PPEF1: variants seen among roughly 807,000 people sequenced by gnomAD.
The protein encoded by PPEF1 is serine/threonine-protein phosphatase with EF-hands 1.
Under a neutral mutation model 53.3 loss-of-function variants are expected in PPEF1, and 12 were observed. The ratio of observed to expected loss-of-function variants is 0.23; its 90% CI spans 0.14 to 0.36. The LOEUF (loss-of-function observed/expected upper bound fraction) is 0.36. Among genes scored for constraint, PPEF1 ranks in the 10% least tolerant of loss-of-function variants. The pLI is 1.00. For synonymous variants in PPEF1, 165 were observed against 176.7 expected, an observed-to-expected ratio of 0.93 and a Z score of 0.52; for missense variants, 334 against 490.4, an observed-to-expected ratio of 0.68 and a Z score of 3.01.
chrX:18,677,655 G>A (rs1320530240), intron 1 of PPEF1, among the ~76,000 whole-genome samples: 5 of 111,298 alleles, frequency 4.5e-5, no homozygotes, highest in African/African-American at 9.8e-5. Flanking sequence ...TTCCTATTGC[G>A]GTGAAAAAAT....
At chrX:18,712,718 C>T (rs557550714) in intron 1 of PPEF1, among the ~76,000 whole-genome samples, 1 of 112,123 alleles carries the variant, frequency 8.9e-6, no homozygotes, top group Middle Eastern at 4.6e-3. Flanking sequence ...TTCAGTGTTT[C>T]ACCAGTAAGT....
intron 4 of PPEF1, chrX:18,691,117 A>G (rs1166879726): frequency 8.9e-6 from 1 of 112,114 alleles, no homozygotes; most frequent in African/African-American, 3.2e-5. Flanking sequence ...CACTTAGTGG[A>G]CCAGGTGAAT....
At chrX:18,691,690 C>T (rs777911975) in intron 4 of PPEF1, 2 of 111,910 alleles carry the variant, frequency 1.8e-5, no homozygotes, top group Admixed American at 9.5e-5. Flanking sequence ...ACATGTAAAA[C>T]GTAAGCACAT....
intron 1 of PPEF1, among the ~76,000 whole-genome samples, chrX:18,723,854 A>G (rs1458991513): frequency 9.2e-6 from 1 of 108,908 alleles, no homozygotes; most frequent in Non-Finnish European, 1.9e-5. Flanking sequence ...ATCTTGGCTC[A>G]CTGCAACCTC....
intron 5 of PPEF1, among the ~76,000 whole-genome samples, chrX:18,760,129 G>A: frequency 9.0e-6 from 1 of 111,084 alleles, no homozygotes; most frequent in Non-Finnish European, 1.9e-5. Flanking sequence ...TGGGATTACA[G>A]GTGCACGCCA....
At chrX:18,782,615 G>T (rs1216228455) in intron 8 of PPEF1, among the ~76,000 whole-genome samples, 4 of 111,421 alleles carry the variant, frequency 3.6e-5, no homozygotes, top group Non-Finnish European at 7.5e-5. Context: ...CTTTTTCATT[G>T]TGAGTTTTGT....
intron 1 of PPEF1, among the ~76,000 whole-genome samples, chrX:18,712,500 T>C (rs2044351825): frequency 8.9e-6 from 1 of 112,467 alleles, no homozygotes; most frequent in Admixed American, 9.5e-5. Flanking sequence ...TGGTCTTATA[T>C]CCCAAAACTT....
intron 6 of PPEF1, among the ~76,000 whole-genome samples, chrX:18,773,769 CCT>C (rs1028418392): frequency 2.7e-5 from 3 of 109,728 alleles, no homozygotes; most frequent in African/African-American, 6.6e-5. Flanking sequence ...CCACTGCAGT[CCT>C]CTCTCTCTCT....
chrX:18,795,696 G>C (rs1253895980), intron 10 of PPEF1, among the ~76,000 whole-genome samples: 1 of 111,750 alleles, frequency 8.9e-6, no homozygotes, highest in African/African-American at 3.3e-5. Context: ...ATATGGCAGG[G>C]ATGAGTTCTT....
chrX:18,713,677 T>C (rs2044379015), intron 1 of PPEF1, among the ~76,000 whole-genome samples: 1 of 111,287 alleles, frequency 9.0e-6, no homozygotes, highest in Non-Finnish European at 1.9e-5. Context: ...GGAAAAAATA[T>C]AGAAAAGCAG....
chrX:18,706,325 T>A (rs972410330), upstream of PPEF1, among the ~76,000 whole-genome samples: 1 of 108,815 alleles, frequency 9.2e-6, no homozygotes, highest in Non-Finnish European at 1.9e-5. Context: ...CAGTATACTA[T>A]GGAAAGGAAT....
chrX:18,737,663 G>A lies in PPEF1; in HGVS notation c.235+3855G>A, dbSNP rs755180611. Among the ~76,000 whole-genome samples the A allele has an allele frequency of 5.4e-5, 6 of 111,304 alleles. No individual in the cohort carries two copies. In the East Asian group the frequency reaches 1.4e-3, roughly 26 times the overall value. The stretch of plus-strand genomic sequence containing the variant: ...TCTGCTTGGTGCAGAGCTGAGTTCA[G>A]TTCCTGGGTATCCTTGTTAACTTTC... On this transcript the variant is annotated intron_variant, in intron 3 of 15. Coordinates refer to ENST00000470157, the MANE Select transcript of PPEF1 (RefSeq NM_001377996.1).
chrX:18,825,777 G>A lies in PPEF1; in HGVS notation c.1692G>A (p.Leu564=). 1 of 1,202,474 alleles carries A rather than the reference G, an allele frequency of 8.3e-7. No homozygotes were observed. Among genetic ancestry groups the A allele is most frequent in the Non-Finnish European group, 1.1e-6 (1 of 890,357 alleles). Residue 564 remains leucine (L), a synonymous_variant, in exon 15 of 16, where the codon CTG becomes CTA. Coordinates refer to ENST00000470157, the MANE Select transcript of PPEF1 (RefSeq NM_001377996.1). The part of the protein sequence containing the change: ...QEAHSTLVET[L]YRYRSDLEII... ...CTCATTCTACTCTAGTTGAAACTCT[G>A]TACAGATACAGATCTGACCTGGAAA...
intron 1 of PPEF1, among the ~76,000 whole-genome samples, chrX:18,714,229 C>T (rs2044391017): frequency 9.2e-6 from 1 of 109,067 alleles, no homozygotes; most frequent in Non-Finnish European, 1.9e-5. Flanking sequence ...ATAGTGGAAG[C>T]AGCTCATGCT....
chrX:18,742,780 C>T (rs1602404217), intron 3 of PPEF1, among the ~76,000 whole-genome samples: 1 of 109,083 alleles, frequency 9.2e-6, no homozygotes, highest in South Asian at 4.0e-4. Context: ...ACCTGGGAGG[C>T]GGAGGTTGCA....
intron 1 of PPEF1, among the ~76,000 whole-genome samples, chrX:18,677,334 C>T (rs1212430307): frequency 8.9e-6 from 1 of 112,374 alleles, no homozygotes; most frequent in Non-Finnish European, 1.9e-5. Flanking sequence ...CCACCGCGCC[C>T]GGCCCCACCC....
chrX:18,805,406 C>T (rs1461764860), intron 11 of PPEF1, among the ~76,000 whole-genome samples: 1 of 112,392 alleles, frequency 8.9e-6, no homozygotes, highest in Non-Finnish European at 1.9e-5. Context: ...TCAGCTCATA[C>T]TAACATTCCA....
chrX:18,826,722 G>A (rs1030628407), intron 15 of PPEF1, among the ~76,000 whole-genome samples: 17 of 109,717 alleles, frequency 1.5e-4, no homozygotes, highest in African/African-American at 1.3e-4. Flanking sequence ...CACTGCGCCC[G>A]GCCTTCTGCC....
At chrX:18,709,372 C>T (rs1249022385) in intron 1 of PPEF1, among the ~76,000 whole-genome samples, 1 of 112,112 alleles carries the variant, frequency 8.9e-6, no homozygotes, top group Non-Finnish European at 1.9e-5. Context: ...TGGCTTTGTC[C>T]ATGTTGTAGC....
Sources: gnomAD v4.1 joint callset for allele counts (sites outside exome capture counted in the v4.1 genomes callset) on GRCh38, gnomAD v4.1.1 for gene constraint, MANE v1.5 for transcripts, NCBI Gene and HGNC (gene_info 2026-07-23, HGNC 2026-07-21) for gene names.